ADAM9: variants seen among roughly 807,000 people sequenced by gnomAD.
The protein encoded by ADAM9 is ADAM metallopeptidase domain 9.
ADAM9 carries 54 observed loss-of-function variants against 108.1 expected under a neutral mutation model. That is an observed-to-expected ratio of 0.50 (90% CI 0.40 to 0.63). The LOEUF is 0.63. ADAM9 is among the 20% of genes least tolerant of loss of function. ADAM9 has a pLI of 0.00. For synonymous variants in ADAM9, 316 were observed against 336.0 expected (o/e 0.94, Z 0.65); for missense variants, 830 against 997.7 (o/e 0.83, Z 2.26).
intron 12 of ADAM9, among the ~76,000 whole-genome samples, chr8:39,045,454 C>T (rs901853430): frequency 9.6e-5 from 14 of 145,600 alleles, no homozygotes; most frequent in Admixed American, 9.4e-4. Context: ...GTACACACAC[C>T]TATATGTGCG....
intron 20 of ADAM9, among the ~76,000 whole-genome samples, chr8:39,093,470 G>A (rs1009359025): frequency 1.3e-5 from 2 of 152,098 alleles, no homozygotes; most frequent in African/African-American, 4.8e-5. Flanking sequence ...GAATTCATTA[G>A]TTCTAACAGT....
chr8:39,083,994 C>G (rs542997268), intron 18 of ADAM9, among the ~76,000 whole-genome samples: 31 of 152,094 alleles, frequency 2.0e-4, no homozygotes, highest in Non-Finnish European at 4.1e-4. Flanking sequence ...CTAACAGTTG[C>G]TATTGTCAGT....
intron 12 of ADAM9, among the ~76,000 whole-genome samples, chr8:39,042,846 A>T (rs1245323103): frequency 1.3e-5 from 2 of 152,174 alleles, no homozygotes; most frequent in Non-Finnish European, 2.9e-5. Flanking sequence ...ACTGTGTTGT[A>T]CAGCACATCT....
At position 39,077,181 on chromosome 8, in the gene ADAM9, T is replaced by C. The variant is rs752423263; in HGVS notation, c.1698-47T>C. On this transcript the variant is annotated intron_variant, in intron 15 of 21. Coordinates refer to ENST00000487273, the MANE Select transcript of ADAM9 (RefSeq NM_003816.3). Reference sequence around the variant, plus strand: ...AATATATAAATTTTTTCTTTTGTTATGTATACTGGATGCATTTTATGTTGC... The same window carrying C: ...AATATATAAATTTTTTCTTTTGTTACGTATACTGGATGCATTTTATGTTGC... 38 of 1,601,368 alleles carry C rather than the reference T, an allele frequency of 2.4e-5. No homozygotes were observed. The East Asian group carries it at 7.8e-4, about 33-fold the overall frequency.
intron 11 of ADAM9, among the ~76,000 whole-genome samples, chr8:39,029,589 T>TG (rs1304809119): frequency 6.6e-6 from 1 of 152,214 alleles, no homozygotes; most frequent in African/African-American, 2.4e-5. Flanking sequence ...GATCTTTTGT[T>TG]GTGAAAGAAT....
intron 20 of ADAM9, among the ~76,000 whole-genome samples, chr8:39,098,607 C>T (rs1356705982): frequency 6.6e-6 from 1 of 152,128 alleles, no homozygotes; most frequent in Non-Finnish European, 1.5e-5. Flanking sequence ...AGTTCTATTT[C>T]GAATCTGCCT....
chr8:39,099,190 A>G (rs1186164549), intron 20 of ADAM9, among the ~76,000 whole-genome samples: 1 of 152,036 alleles, frequency 6.6e-6, no homozygotes, highest in Admixed American at 6.6e-5. Flanking sequence ...CCTTGTATTC[A>G]CCATTCCATC....
chr8:39,083,574 C>A (rs961397438), intron 18 of ADAM9, among the ~76,000 whole-genome samples: 1 of 152,114 alleles, frequency 6.6e-6, no homozygotes, highest in African/African-American at 2.4e-5. Flanking sequence ...GCTTTCATAC[C>A]GTATTATTTT....
chr8:39,021,563 C>G (rs1225867538), intron 7 of ADAM9, 80 bp from the exon 8 acceptor site: 3 of 1,253,188 alleles, frequency 2.4e-6, no homozygotes, highest in Non-Finnish European at 3.5e-6. Flanking sequence ...GAATTACAGG[C>G]ATGAGGTACT....
At chr8:39,045,041 T>G (rs1169986613) in intron 12 of ADAM9, among the ~76,000 whole-genome samples, 1 of 58,224 alleles carries the variant, frequency 1.7e-5, no homozygotes, top group Non-Finnish European at 3.2e-5. Flanking sequence ...TACATACATA[T>G]GTATGTGTAT....
At chr8:39,022,196 ATT>A (rs1836769651) in intron 8 of ADAM9, among the ~76,000 whole-genome samples, 2 of 151,446 alleles carry the variant, frequency 1.3e-5, no homozygotes, top group Admixed American at 6.6e-5. Context: ...TGTTCTTATA[ATT>A]TTATCTACAA....
intron 11 of ADAM9, among the ~76,000 whole-genome samples, chr8:39,031,322 C>T (rs1478104227): frequency 2.0e-5 from 3 of 152,168 alleles, no homozygotes; most frequent in Non-Finnish European, 4.4e-5. Flanking sequence ...AAAAGATTAT[C>T]TTTTATTGTA....
At chr8:39,028,770 C>T (rs1156483718) in intron 11 of ADAM9, among the ~76,000 whole-genome samples, 2 of 152,040 alleles carry the variant, frequency 1.3e-5, no homozygotes, top group Non-Finnish European at 2.9e-5. Context: ...AATCTATAAA[C>T]ATAAGAAAAT....
At chr8:39,010,166 C>G (rs1836309575) in intron 2 of ADAM9, among the ~76,000 whole-genome samples, 1 of 151,918 alleles carries the variant, frequency 6.6e-6, no homozygotes, top group Non-Finnish European at 1.5e-5. Context: ...GTGAACAATC[C>G]AGGCAGATAC....
At position 39,104,625 on chromosome 8, in the gene ADAM9, C is replaced by T; in HGVS notation, c.*925C>T. On this transcript the variant is annotated 3_prime_UTR_variant, in exon 22 of 22. Transcript: ENST00000487273. ...CACTTTAAAATCTGAACTTTCAAAG[C>T]TTGCTATTAAATCATTTAGAATGTT... The T allele has an allele frequency of 2.3e-6, 1 of 433,816 alleles. No individual in the cohort carries two copies. Among genetic ancestry groups the T allele is most frequent in the Non-Finnish European group, 4.6e-6 (1 of 219,408 alleles). 26.9% of individuals were successfully genotyped at this position (433,816 alleles called of 1,614,324 possible). A position where few individuals can be genotyped will look rare whatever the true frequency, so the allele number is the denominator to read the frequency against.
intron 14 of ADAM9, among the ~76,000 whole-genome samples, chr8:39,070,152 C>CAAAAA (rs5891052): frequency 1.2e-5 from 1 of 81,396 alleles, no homozygotes; most frequent in Non-Finnish European, 2.4e-5. Flanking sequence ...GACTCTGTCT[C>CAAAAA]AAAAAAAAAA....
At chr8:39,012,958 AT>A (rs1836406015) in intron 3 of ADAM9, among the ~76,000 whole-genome samples, 1 of 152,108 alleles carries the variant, frequency 6.6e-6, no homozygotes, top group African/African-American at 2.4e-5. Flanking sequence ...TAATAAAAAA[AT>A]ATATAGACAG....
chr8:39,066,257 G>T (rs1158669512), intron 14 of ADAM9, among the ~76,000 whole-genome samples: 1 of 152,156 alleles, frequency 6.6e-6, no homozygotes, highest in Non-Finnish European at 1.5e-5. Flanking sequence ...AATCCTTTGG[G>T]TATATACCCA....
intron 1 of ADAM9, among the ~76,000 whole-genome samples, chr8:39,004,922 C>T (rs1003652220): frequency 6.6e-6 from 1 of 152,184 alleles, no homozygotes; most frequent in African/African-American, 2.4e-5. Context: ...TTACCGCAAA[C>T]TGTTTTATCA....
Sources: gnomAD v4.1 joint callset for allele counts (sites outside exome capture counted in the v4.1 genomes callset) on GRCh38, gnomAD v4.1.1 for gene constraint, MANE v1.5 for transcripts, NCBI Gene and HGNC (gene_info 2026-07-23, HGNC 2026-07-21) for gene names.